The following ARL5C variants were observed in gnomAD, a reference collection of about 807,000 sequenced individuals.
ARL5C encodes putative ADP-ribosylation factor-like protein 5C.
ARL5C carries 21 observed loss-of-function variants against 20.8 expected under a neutral mutation model. The observed-to-expected ratio is 1.01, with a 90% CI of 0.72 to 1.46. ARL5C has a LOEUF of 1.46. Ranked by LOEUF, ARL5C falls within the 40% of genes most tolerant of loss-of-function variation. The pLI is 0.00. For missense variants in ARL5C, 199 were observed against 225.1 expected, an observed-to-expected ratio of 0.88 and a Z score of 0.74; for synonymous variants, 71 against 81.6, an observed-to-expected ratio of 0.87 and a Z score of 0.70.
Position 39,159,031 on chromosome 17 carries a change from T to G in ARL5C, c.491+1560A>C, listed in dbSNP as rs1445561530. Among the ~76,000 whole-genome samples, 3 of 122,472 alleles carry G rather than the reference T, an allele frequency of 2.4e-5. No individual in the cohort carries two copies. In the South Asian group the frequency reaches 8.8e-4, roughly 36 times the overall value. 80.3% of individuals were successfully genotyped at this position (122,472 alleles called of 152,430 possible). A position where few individuals can be genotyped will look rare whatever the true frequency, so the allele number is the denominator to read the frequency against. On this transcript the variant is annotated intron_variant, in intron 5 of 5. Coordinates refer to ENST00000269586, the MANE Select transcript of ARL5C (RefSeq NM_001143968.1). The stretch of plus-strand genomic sequence containing the variant: ...TTATCATTTATCACTTGTTTTTTTT[T>G]TTTTTTTTTTTTTTTTTTGAGACAG...
In ARL5C at chr17:39,162,772, C is replaced by T; in HGVS notation, c.194G>A (p.Trp65Ter). Residue 65 changes from tryptophan to a stop codon, truncating the protein, a stop_gained, in exon 3 of 6, where the codon TGG (tryptophan) becomes TAG (stop). Coordinates refer to ENST00000269586, the MANE Select transcript of ARL5C (RefSeq NM_001143968.1). LOFTEE classifies it high-confidence loss of function. Reference sequence around the variant, plus strand: ...CAGAGCCTCAGGTCTCACTATGTCCCACATGAAGAAGTGGGTCTTCGGCAG... The same window carrying T: ...CAGAGCCTCAGGTCTCACTATGTCCTACATGAAGAAGTGGGTCTTCGGCAG... ...IILPKTHFFM[W>*]DIVRPEALSF... The T allele has an allele frequency of 6.4e-7, 1 of 1,551,698 alleles. No homozygotes were observed. The highest frequency in any genetic ancestry group is 8.7e-7 in the Non-Finnish European group (1 of 1,146,992).
In ARL5C at chr17:39,165,060, C is replaced by A. The variant is rs1321733326; in HGVS notation, c.107+19G>T. 7 of 1,551,454 alleles carry A rather than the reference C, an allele frequency of 4.5e-6. No individual in the cohort carries two copies. In the Admixed American group the frequency reaches 9.8e-5, roughly 22 times the overall value. ...TGGGAGGCCCAGCTCTCTACCCTCC[C>A]CGCCCGAGAGTCACTTACAACCGGT... On this transcript the variant is annotated intron_variant, in intron 2 of 5. Transcript: ENST00000269586.
At chr17:39,164,068 C>T (rs1333174707) in intron 2 of ARL5C, 2 of 140,828 alleles carry the variant, frequency 1.4e-5, no homozygotes, top group African/African-American at 5.2e-5. Flanking sequence ...TTGCTCAGCC[C>T]TTTGTTGTTG....
chr17:39,164,482 T>G (rs2045453083), intron 2 of ARL5C, among the ~76,000 whole-genome samples: 1 of 152,240 alleles, frequency 6.6e-6, no homozygotes, highest in African/African-American at 2.4e-5. Flanking sequence ...TTTCACCGTG[T>G]ATTCCTCCAT....
intron 5 of ARL5C, among the ~76,000 whole-genome samples, chr17:39,159,561 T>C (rs1489859687): frequency 6.6e-6 from 1 of 152,112 alleles, no homozygotes; most frequent in African/African-American, 2.4e-5. Flanking sequence ...CCTCCCAAAG[T>C]GCTGGGATTA....
At chr17:39,156,972 G>C in intron 5 of ARL5C, 30 bp from the exon 6 acceptor site, 2 of 1,551,288 alleles carry the variant, frequency 1.3e-6, no homozygotes, top group Non-Finnish European at 1.7e-6. Flanking sequence ...GGAGGGGTCA[G>C]CCTAACCCAA....
At chr17:39,163,904 A>G (rs2045450163) in intron 2 of ARL5C, among the ~76,000 whole-genome samples, 1 of 151,750 alleles carries the variant, frequency 6.6e-6, no homozygotes, top group Non-Finnish European at 1.5e-5. Context: ...AGGTGGGATT[A>G]CAGGCATGTG....
At chr17:39,161,916 C>T (rs1442186114) in intron 3 of ARL5C, among the ~76,000 whole-genome samples, 1 of 152,172 alleles carries the variant, frequency 6.6e-6, no homozygotes, top group Admixed American at 6.6e-5. Flanking sequence ...TCCATTTAGG[C>T]CTTACCACAA....
chr17:39,159,029 T>TG (rs1225018894), intron 5 of ARL5C, among the ~76,000 whole-genome samples: 1 of 120,148 alleles, frequency 8.3e-6, no homozygotes, highest in African/African-American at 3.2e-5. Context: ...CTTGTTTTTT[T>TG]TTTTTTTTTT....
At chr17:39,157,292 G>A (rs1040196922) in intron 5 of ARL5C, among the ~76,000 whole-genome samples, 2 of 152,204 alleles carry the variant, frequency 1.3e-5, no homozygotes, top group Admixed American at 1.3e-4. Context: ...TGAGGAAGGA[G>A]CCTGGAGACT....
intron 2 of ARL5C, among the ~76,000 whole-genome samples, chr17:39,164,693 A>G (rs1469714261): frequency 2.0e-5 from 3 of 152,116 alleles, no homozygotes; most frequent in African/African-American, 7.2e-5. Flanking sequence ...GGAGCTACAG[A>G]GCCTCAGTGA....
chr17:39,158,163 G>C (rs1355466395), intron 5 of ARL5C, among the ~76,000 whole-genome samples: 1 of 145,494 alleles, frequency 6.9e-6, no homozygotes, highest in Non-Finnish European at 1.5e-5. Flanking sequence ...GAGGGAGGAA[G>C]TGAGGGAGGG....
chr17:39,159,890 A>G (rs1052950889), intron 5 of ARL5C, among the ~76,000 whole-genome samples: 1 of 152,190 alleles, frequency 6.6e-6, no homozygotes, highest in African/African-American at 2.4e-5. Flanking sequence ...AGGTCTCCCC[A>G]TGGCTGTCTC....
intron 2 of ARL5C, 130 bp downstream of exon 2, chr17:39,164,949 G>T: frequency 2.3e-6 from 2 of 880,044 alleles, no homozygotes; most frequent in Non-Finnish European, 3.6e-6. Context: ...TCCAAGCAGC[G>T]TGCCCAATCG....
intron 3 of ARL5C, 40 bp from the exon 4 acceptor site, chr17:39,161,391 T>C (rs886916309): frequency 2.6e-6 from 4 of 1,533,372 alleles, no homozygotes; most frequent in Middle Eastern, 1.7e-4. Context: ...AGGCTTTCTC[T>C]TTGGTAAATG....
rs869126572 is a variant in ARL5C, at chr17:39,159,022, G to GTTTTTT, written c.491+1563_491+1568dup. ...TTATTCACCTTATCATTTATCACTT[G>GTTTTTT]TTTTTTTTTTTTTTTTTTTTTTTTT... On this transcript the variant is annotated intron_variant, in intron 5 of 5. Coordinates refer to ENST00000269586, the MANE Select transcript of ARL5C (RefSeq NM_001143968.1). Among the ~76,000 whole-genome samples, 45 of 52,468 alleles carry GTTTTTT rather than the reference G, an allele frequency of 8.6e-4. 13 individuals carry two copies. The highest frequency in any genetic ancestry group is 1.2e-3 in the African/African-American group (16 of 12,944). The allele number at this position is 52,468 out of a possible 152,430, so 34.4% of individuals were successfully genotyped here. A position where few individuals can be genotyped will look rare whatever the true frequency, so the allele number is the denominator to read the frequency against.
chr17:39,161,762 C>A (rs369241252), intron 3 of ARL5C, among the ~76,000 whole-genome samples: 2 of 152,298 alleles, frequency 1.3e-5, no homozygotes, highest in South Asian at 2.1e-4. Flanking sequence ...CATCTGCCTG[C>A]CTCAGCCTCC....
intron 2 of ARL5C, among the ~76,000 whole-genome samples, chr17:39,163,410 C>CTTTCTTTCTT (rs1231597808): frequency 1.6e-5 from 2 of 128,882 alleles, no homozygotes; most frequent in East Asian, 2.6e-4. Context: ...TTCTTTCCTT[C>CTTTCTTTCTT]TCTCTCTCTC....
At chr17:39,159,206 T>TG (rs1555575792) in intron 5 of ARL5C, among the ~76,000 whole-genome samples, 1 of 148,068 alleles carries the variant, frequency 6.8e-6, no homozygotes, top group African/African-American at 2.5e-5. Flanking sequence ...GGTTTTTTTT[T>TG]TTTTTTTTTT....
Sources: gnomAD v4.1 joint callset for allele counts (sites outside exome capture counted in the v4.1 genomes callset) on GRCh38, gnomAD v4.1.1 for gene constraint, MANE v1.5 for transcripts, NCBI Gene and HGNC (gene_info 2026-07-23, HGNC 2026-07-21) for gene names.